The following MMP10 variants were observed in gnomAD, a reference collection of about 807,000 sequenced individuals.
The protein encoded by MMP10 is stromelysin-2.
Under a neutral mutation model 49.1 loss-of-function variants are expected in MMP10, and 50 were observed. That is an observed-to-expected ratio of 1.02 (90% CI 0.81 to 1.29). MMP10 has a LOEUF of 1.29. Among genes scored for constraint, MMP10 ranks in the 50% most tolerant of loss-of-function variants. MMP10 has a pLI of 0.00. For synonymous variants in MMP10, 229 were observed against 201.6 expected (o/e 1.14, Z -1.15); for missense variants, 613 against 563.8 (o/e 1.09, Z -0.88).
At position 102,772,250 on chromosome 11, in the gene MMP10, T is replaced by A; in HGVS notation, c.1227-135A>T. ...AGTTGTGTAAAAAAGTGTTAAACAT[T>A]TTTAGAGCTACAAGAATAGGTTACT... On this transcript the variant is annotated intron_variant, in intron 8 of 9. Coordinates refer to ENST00000279441, the MANE Select transcript of MMP10 (RefSeq NM_002425.3). The surrounding 1 kb of genome is among the most constrained non-coding windows in gnomAD (Gnocchi z 4.4). 1 of 577,368 alleles carries A rather than the reference T, an allele frequency of 1.7e-6. No homozygotes were observed. The highest frequency in any genetic ancestry group is 3.0e-6 in the Non-Finnish European group (1 of 333,608). 35.8% of individuals were successfully genotyped at this position (577,368 alleles called of 1,614,324 possible).
Position 102,780,512 on chromosome 11 carries a change from T to G in MMP10, c.80A>C (p.Glu27Ala). Residue 27 changes from glutamate to alanine, a missense_variant, in exon 1 of 10, where the codon GAG becomes GCG. Transcript: ENST00000279441. ...CTGGGCAAGATCCTTGTTGGAGTCCTCCTCTTTTGCTGCCCCACTCAGAGG... is the reference window on the plus strand; with the variant it reads ...CTGGGCAAGATCCTTGTTGGAGTCCGCCTCTTTTGCTGCCCCACTCAGAGG... ...AYPLSGAAKE[E>A]DSNKDLAQQY... 1 of 1,613,980 alleles carries G rather than the reference T, an allele frequency of 6.2e-7. No homozygotes were observed. Among genetic ancestry groups the G allele is most frequent in the Non-Finnish European group, 8.5e-7 (1 of 1,179,932 alleles).
At chr11:102,774,072 A>T (rs1317923302) in intron 7 of MMP10, among the ~76,000 whole-genome samples, 2 of 152,264 alleles carry the variant, frequency 1.3e-5, no homozygotes, top group Non-Finnish European at 2.9e-5. Context: ...AAATATTTTT[A>T]AAATCTCCAT....
At position 102,770,677 on chromosome 11, in the gene MMP10, AT is replaced by A. The variant is rs1861966656; in HGVS notation, c.*115del. The stretch of plus-strand genomic sequence containing the variant: ...ACACATGCAGATATCTGCAAGGCTC[AT>A]CTTCTTCAGTCACAGAACATGCAGG... On this transcript the variant is annotated 3_prime_UTR_variant, in exon 10 of 10. Transcript: ENST00000279441. The A allele has an allele frequency of 8.0e-6, 5 of 625,924 alleles. No homozygotes were observed. In the South Asian group the frequency reaches 1.1e-4, roughly 14 times the overall value. The allele number at this position is 625,924 out of a possible 1,614,324, so 38.8% of individuals were successfully genotyped here. A position where few individuals can be genotyped will look rare whatever the true frequency, so the allele number is the denominator to read the frequency against.
intron 4 of MMP10, among the ~76,000 whole-genome samples, chr11:102,777,851 A>G (rs574279296): frequency 7.9e-4 from 121 of 152,240 alleles, no homozygotes; most frequent in African/African-American, 2.8e-3. Flanking sequence ...TCTGTTGCCC[A>G]GGCTGGAGTA....
At chr11:102,775,371 A>G (rs1862012269) in intron 6 of MMP10, 50 bp from the exon 7 acceptor site, 2 of 1,269,702 alleles carry the variant, frequency 1.6e-6, no homozygotes, top group Non-Finnish European at 1.1e-6. Flanking sequence ...TAGATATGTG[A>G]AAAAAAAATT....
chr11:102,770,861 A>C lies in MMP10; in HGVS notation c.1363T>G (p.Phe455Val), dbSNP rs113672399. The change falls in exon 10 of 10, where the codon TTT becomes GTT. Residue 455 changes from phenylalanine to valine, a missense_variant. Physicochemically the swap from Phe to Val is conservative, Grantham distance 50. Coordinates refer to ENST00000279441, the MANE Select transcript of MMP10 (RefSeq NM_002425.3). ...FFYFFSGSSQFEFDPNARMVT... is the reference protein window; with the variant it reads ...FFYFFSGSSQVEFDPNARMVT... ...ATCCTGGCATTGGGGTCAAACTCAA[A>C]CTGTGATGATCCACTGAAGAAGTAG... The C allele has an allele frequency of 2.0e-4, 327 of 1,613,068 alleles. 2 individuals carry two copies. The African/African-American group carries it at 3.4e-3, about 17-fold the overall frequency.
intron 2 of MMP10, 62 bp from the exon 3 acceptor site, chr11:102,779,423 A>C (rs1857792865): frequency 1.2e-6 from 2 of 1,608,832 alleles, no homozygotes; most frequent in African/African-American, 2.7e-5. Context: ...ATTGTTAAAG[A>C]AAACTTTATG....
Position 102,772,021 on chromosome 11 carries a change from G to A in MMP10, c.1321C>T (p.Gln441Ter). Residue 441 changes from glutamine to a stop codon, truncating the protein, a stop_gained, in exon 9 of 10, where the codon CAG becomes TAG. Coordinates refer to ENST00000279441, the MANE Select transcript of MMP10 (RefSeq NM_002425.3). LOFTEE classifies it low-confidence loss of function (END_TRUNC). The surrounding 1 kb of genome is among the most constrained non-coding windows in gnomAD (Gnocchi z 4.4). ...ATAAGGGTCTTCTTACCAAATGCCT[G>A]TAATACAGCATCAACCTTAGGCTCA... Reference protein sequence around the residue: ...GVEPKVDAVLQAFGFFYFFSG... With the variant: ...GVEPKVDAVL The A allele has an allele frequency of 6.2e-7, 1 of 1,605,130 alleles. No individual in the cohort carries two copies. Among genetic ancestry groups the A allele is most frequent in the Middle Eastern group, 1.7e-4 (1 of 6,046 alleles).
intron 9 of MMP10, among the ~76,000 whole-genome samples, chr11:102,771,436 G>A (rs1475330925): frequency 6.6e-6 from 1 of 152,176 alleles, no homozygotes; most frequent in Non-Finnish European, 1.5e-5. Flanking sequence ...GGATTGTCAA[G>A]CACTGGCAGC....
In MMP10 at chr11:102,772,006, T is replaced by C; in HGVS notation, c.1330+6A>G. Reference sequence around the variant, plus strand: ...CTGCATGACAATGAAATAAGGGTCTTCTTACCAAATGCCTGTAATACAGCA... The same window carrying C: ...CTGCATGACAATGAAATAAGGGTCTCCTTACCAAATGCCTGTAATACAGCA... On this transcript the variant is annotated splice_donor_region_variant and intron_variant, in intron 9 of 9. Coordinates refer to ENST00000279441, the MANE Select transcript of MMP10 (RefSeq NM_002425.3). This position sits in a 1 kb window ranked among gnomAD's most constrained non-coding sequence, Gnocchi z 4.4. 1 of 1,572,174 alleles carries C rather than the reference T, an allele frequency of 6.4e-7. No individual in the cohort carries two copies. Among genetic ancestry groups the C allele is most frequent in the Non-Finnish European group, 8.7e-7 (1 of 1,142,920 alleles).
At chr11:102,775,712 C>A (rs948770643) in intron 6 of MMP10, among the ~76,000 whole-genome samples, 2 of 152,092 alleles carry the variant, frequency 1.3e-5, no homozygotes, top group Non-Finnish European at 1.5e-5. Context: ...AACTCCGTAT[C>A]TTTTGGTAGT....
intron 1 of MMP10, 112 bp from the exon 2 acceptor site, chr11:102,779,857 A>T: frequency 8.1e-7 from 1 of 1,227,418 alleles, no homozygotes; most frequent in Non-Finnish European, 1.1e-6. Context: ...AGGCTATCAC[A>T]TTTAATTTGA....
At position 102,775,605 on chromosome 11, in the gene MMP10, A is replaced by G. The variant is rs796545154; in HGVS notation, c.933-284T>C. Among the ~76,000 whole-genome samples, 11 of 152,300 alleles carry G rather than the reference A, an allele frequency of 7.2e-5. 1 individual carries two copies. The highest frequency in any genetic ancestry group is 2.6e-4 in the African/African-American group (11 of 41,566). On this transcript the variant is annotated intron_variant, in intron 6 of 9. Coordinates refer to ENST00000279441, the MANE Select transcript of MMP10 (RefSeq NM_002425.3). ...TATATTGATGCTTGTATATGAGTAG[A>G]ACATTTTTGTAAAGAGTCAAAGGAA... is the stretch of plus-strand genomic sequence containing the variant.
At position 102,772,310 on chromosome 11, in the gene MMP10, AT is replaced by A. The variant is rs1218186902; in HGVS notation, c.1227-196del. ...TTACAAGTTTAACACATAAAACAATATTTTCCAGAAACAGGAACATTATGCC... is the reference window on the plus strand; with the variant it reads ...TTACAAGTTTAACACATAAAACAATATTTCCAGAAACAGGAACATTATGCC... On this transcript the variant is annotated intron_variant, in intron 8 of 9. Coordinates refer to ENST00000279441, the MANE Select transcript of MMP10 (RefSeq NM_002425.3). The surrounding 1 kb of genome is among the most constrained non-coding windows in gnomAD (Gnocchi z 4.4). Among the ~76,000 whole-genome samples the A allele has an allele frequency of 6.6e-6, 1 of 152,152 alleles. No homozygotes were observed. The highest frequency in any genetic ancestry group is 1.5e-5 in the Non-Finnish European group (1 of 68,020).
In MMP10 at chr11:102,775,287, G is replaced by C; in HGVS notation, c.967C>G (p.Pro323Ala). Residue 323 changes from proline (P) to alanine (A), a missense_variant, in exon 7 of 10, where the codon CCT becomes GCT. Transcript: ENST00000279441. ...FWRRSHWNPE[P>A]EFHLISAFWP... ...AATGCAGAAATCAAATGAAATTCAG[G>C]TTCAGGGTTCCAGTGGGATCTTCGC... 1 of 1,610,180 alleles carries C rather than the reference G, an allele frequency of 6.2e-7. No homozygotes were observed. Among genetic ancestry groups the C allele is most frequent in the South Asian group, 1.1e-5 (1 of 90,188 alleles).
In MMP10 at chr11:102,772,260, A is replaced by G; in HGVS notation, c.1227-145T>C. 1.8e-6 allele frequency: 1 copy of G among 568,988 alleles called. No homozygotes were observed. The highest frequency in any genetic ancestry group is 3.1e-6 in the Non-Finnish European group (1 of 327,670). 35.2% of individuals were successfully genotyped at this position (568,988 alleles called of 1,614,324 possible). A position where few individuals can be genotyped will look rare whatever the true frequency, so the allele number is the denominator to read the frequency against. On this transcript the variant is annotated intron_variant, in intron 8 of 9. Coordinates refer to ENST00000279441, the MANE Select transcript of MMP10 (RefSeq NM_002425.3). The surrounding 1 kb of genome is among the most constrained non-coding windows in gnomAD (Gnocchi z 4.4). ...AAAAGTGTTAAACATTTTTAGAGCT[A>G]CAAGAATAGGTTACTTTCCTGGGCT...
At chr11:102,774,553 A>C (rs1014083594) in intron 7 of MMP10, among the ~76,000 whole-genome samples, 1 of 152,202 alleles carries the variant, frequency 6.6e-6, no homozygotes, top group African/African-American at 2.4e-5. Context: ...TTACAACAAA[A>C]TAATTTTCCA....
At chr11:102,776,584 A>G (rs1236859869) in intron 5 of MMP10, 28 bp downstream of exon 5, 2 of 1,600,748 alleles carry the variant, frequency 1.2e-6, no homozygotes, top group South Asian at 1.1e-5. Context: ...GTAGATCTGC[A>G]ATGCCTAATT....
intron 1 of MMP10, 41 bp from the exon 2 acceptor site, chr11:102,779,786 C>T: frequency 1.3e-6 from 2 of 1,580,722 alleles, no homozygotes; most frequent in Non-Finnish European, 1.7e-6. Flanking sequence ...TTGTGATTTT[C>T]CATCATTTAT....
Sources: allele counts gnomAD v4.1 joint callset (sites outside exome capture counted in the v4.1 genomes callset), GRCh38; gene constraint gnomAD v4.1.1; non-coding constraint Gnocchi (gnomAD v3.1); transcripts MANE v1.5; gene names NCBI Gene and HGNC (gene_info 2026-07-23, HGNC 2026-07-21).